Variants in TMEM132B observed in about 807,000 individuals in gnomAD.
The protein encoded by TMEM132B is transmembrane protein 132B.
A neutral mutation model predicts 90.8 loss-of-function variants in TMEM132B; 18 were observed. That is an observed-to-expected ratio of 0.20 (90% CI 0.14 to 0.29). The LOEUF is 0.29. Ranked by LOEUF, TMEM132B falls within the 10% of genes least tolerant of loss-of-function variation. The pLI is 1.00. For synonymous variants in TMEM132B, 504 were observed against 523.3 expected (o/e 0.96, Z 0.50); for missense variants, 1,096 against 1,326.8 (o/e 0.83, Z 2.70).
intron 1 of TMEM132B, among the ~76,000 whole-genome samples, chr12:125,266,554 C>T (rs1184242065): frequency 1.3e-5 from 2 of 152,082 alleles, no homozygotes; most frequent in East Asian, 3.9e-4. Flanking sequence ...CAGGCCAGGC[C>T]TGCTCACAGA....
At chr12:125,345,745 C>G (rs1877336766) in intron 1 of TMEM132B, among the ~76,000 whole-genome samples, 1 of 152,158 alleles carries the variant, frequency 6.6e-6, no homozygotes, top group Non-Finnish European at 1.5e-5. Context: ...TTCTTTTCAG[C>G]TGGGCCTCAT....
At chr12:125,463,959 G>T (rs192230006) in intron 3 of TMEM132B, among the ~76,000 whole-genome samples, 9 of 152,264 alleles carry the variant, frequency 5.9e-5, no homozygotes, top group African/African-American at 1.9e-4. Flanking sequence ...GAGCAAGGAA[G>T]TGCTATACTT....
chr12:125,250,654 C>G (rs1453046714), intron 1 of TMEM132B, among the ~76,000 whole-genome samples: 2 of 152,254 alleles, frequency 1.3e-5, no homozygotes, highest in Non-Finnish European at 2.9e-5. Flanking sequence ...TGAGCATCCC[C>G]TTTGCTTTCC....
At chr12:125,515,112 A>G (rs139220557) in intron 3 of TMEM132B, among the ~76,000 whole-genome samples, 2 of 152,226 alleles carry the variant, frequency 1.3e-5, no homozygotes, top group East Asian at 3.9e-4. Flanking sequence ...TCCATGGCGG[A>G]TTCCTCCTAA....
rs1374195145 is a variant in TMEM132B at position 125,238,380 on chromosome 12, A to AC, written c.67+51514_67+51515insC. 3.6e-3 allele frequency among the ~76,000 whole-genome samples: 524 copies of AC among 146,840 alleles called. 7 individuals are homozygous for AC. The highest frequency in any genetic ancestry group is 0.012 in the African/African-American group (467 of 40,286). ...AAAAAAAAAACCAAAAAAAAAACAA[A>AC]AAAAAACCAAAAAAACAAAAACGCA... On this transcript the variant is annotated intron_variant, in intron 1 of 8. Coordinates refer to ENST00000682704, the MANE Select transcript of TMEM132B (RefSeq NM_001366854.1).
chr12:125,238,199 T>C (rs748145755), intron 1 of TMEM132B, among the ~76,000 whole-genome samples: 4 of 151,710 alleles, frequency 2.6e-5, no homozygotes, highest in Non-Finnish European at 2.9e-5. Flanking sequence ...TTCTCTCAAG[T>C]GGTCGCCTCT....
intron 4 of TMEM132B, among the ~76,000 whole-genome samples, chr12:125,563,604 A>ACAAACAAAAAC (rs777557007): frequency 1.3e-5 from 2 of 152,054 alleles, no homozygotes; most frequent in Admixed American, 6.5e-5. Context: ...CAAACAAAAA[A>ACAAACAAAAAC]AAACCCCACA....
At chr12:125,313,481 T>C (rs1876168967) in intron 1 of TMEM132B, among the ~76,000 whole-genome samples, 2 of 147,744 alleles carry the variant, frequency 1.4e-5, no homozygotes. Context: ...TTTTTTCCCT[T>C]CCTCCCTTCC....
chr12:125,640,267 C>G (rs2137018882), intron 5 of TMEM132B, among the ~76,000 whole-genome samples: 1 of 152,266 alleles, frequency 6.6e-6, no homozygotes, highest in East Asian at 1.9e-4. Context: ...GTAGGGAGGC[C>G]TGTGGTGAAT....
Position 125,315,285 on chromosome 12 carries a change from G to A in TMEM132B, c.68-34167G>A, listed in dbSNP as rs1442084322. Among the ~76,000 whole-genome samples the A allele has an allele frequency of 7.2e-5, 11 of 152,204 alleles. 1 individual carries two copies. Among genetic ancestry groups the A allele is most frequent in the Admixed American group, 1.3e-4 (2 of 15,280 alleles). The stretch of plus-strand genomic sequence containing the variant: ...GCAATCTCAGCTCACGGCAACCTCC[G>A]TCTCCCAGGCTCAAGTGATTCTCCT... On this transcript the variant is annotated intron_variant, in intron 1 of 8. Coordinates refer to ENST00000682704, the MANE Select transcript of TMEM132B (RefSeq NM_001366854.1).
chr12:125,242,013 T>C (rs912025036), intron 1 of TMEM132B, among the ~76,000 whole-genome samples: 1 of 152,162 alleles, frequency 6.6e-6, no homozygotes, highest in Non-Finnish European at 1.5e-5. Context: ...CCTCCAAAGA[T>C]CTGTTGTGAA....
intron 3 of TMEM132B, among the ~76,000 whole-genome samples, chr12:125,422,992 C>T (rs1439303540): frequency 5.9e-5 from 9 of 152,146 alleles, no homozygotes; most frequent in East Asian, 1.9e-4. Context: ...CAGGTTGAGG[C>T]GGCCCAATCC....
chr12:125,308,371 C>A (rs535033439), intron 1 of TMEM132B, among the ~76,000 whole-genome samples: 1 of 152,156 alleles, frequency 6.6e-6, no homozygotes, highest in Admixed American at 6.6e-5. Flanking sequence ...TGGAACTGCT[C>A]TGGACACCTT....
intron 3 of TMEM132B, among the ~76,000 whole-genome samples, chr12:125,497,704 C>A (rs1882596374): frequency 6.6e-6 from 1 of 152,308 alleles, no homozygotes; most frequent in South Asian, 2.1e-4. Context: ...ATAAATTGAG[C>A]TGCATTATTA....
chr12:125,430,895 G>A (rs534303385), intron 3 of TMEM132B, among the ~76,000 whole-genome samples: 1 of 152,292 alleles, frequency 6.6e-6, no homozygotes, highest in East Asian at 1.9e-4. Flanking sequence ...CGGTCAGGGA[G>A]GGCCTCTCTG....
chr12:125,240,512 C>T (rs548906887), intron 1 of TMEM132B, among the ~76,000 whole-genome samples: 4 of 152,202 alleles, frequency 2.6e-5, no homozygotes, highest in East Asian at 1.9e-4. Context: ...AACAAACCCA[C>T]GTGAGCAAAA....
chr12:125,218,251 G>A (rs773839659), intron 1 of TMEM132B, among the ~76,000 whole-genome samples: 11 of 151,908 alleles, frequency 7.2e-5, no homozygotes, highest in East Asian at 1.9e-4. Flanking sequence ...TGTATTCTTC[G>A]AATTTCATGC....
intron 2 of TMEM132B, among the ~76,000 whole-genome samples, chr12:125,369,402 G>A (rs1313263836): frequency 6.6e-6 from 1 of 152,160 alleles, no homozygotes; most frequent in Non-Finnish European, 1.5e-5. Flanking sequence ...TGGGATGGCT[G>A]GGTCAAATGG....
Position 125,349,624 on chromosome 12 carries a change from C to G in TMEM132B, c.240C>G (p.Ile80Met), listed in dbSNP as rs1211454941. ...AGGCCCGGGTGGAGCCATTCTTCAT[C>G]TACCGAGCCAGGACACCCCCTATTA... ...SLQARVEPFFIYRARTPPIIN... is the reference protein window; with the variant it reads ...SLQARVEPFFMYRARTPPIIN... Residue 80 changes from isoleucine to methionine, a missense_variant, in exon 2 of 9, where the codon ATC (isoleucine) becomes ATG (methionine). Coordinates refer to ENST00000682704, the MANE Select transcript of TMEM132B (RefSeq NM_001366854.1). The surrounding 1 kb of genome is among the most constrained non-coding windows in gnomAD (Gnocchi z 4.1). 1.2e-6 allele frequency: 2 copies of G among 1,614,194 alleles called. No individual in the cohort carries two copies. Among genetic ancestry groups the G allele is most frequent in the Non-Finnish European group, 1.7e-6 (2 of 1,180,042 alleles).
Sources: gnomAD v4.1 joint callset for allele counts (sites outside exome capture counted in the v4.1 genomes callset) on GRCh38, gnomAD v4.1.1 for gene constraint, Gnocchi (gnomAD v3.1) non-coding constraint, MANE v1.5 for transcripts, NCBI Gene and HGNC (gene_info 2026-07-23, HGNC 2026-07-21) for gene names.